Variants in EYS observed in about 807,000 individuals in gnomAD.
EYS encodes the protein EGF-like photoreceptor maintenance factor.
Under a neutral mutation model 282.1 loss-of-function variants are expected in EYS, and 250 were observed. That is an observed-to-expected ratio of 0.89 (90% CI 0.80 to 0.98). The LOEUF is 0.98. Among genes scored for constraint, EYS ranks in the 50% least tolerant of loss-of-function variants. The probability of loss-of-function intolerance (pLI) is 0.00; values close to 1 mark genes in which losing one functional copy is unlikely to be tolerated. For synonymous variants in EYS, 1,355 were observed against 1,282.9 expected (o/e 1.06, Z -1.20); for missense variants, 4,016 against 3,709.0 (o/e 1.08, Z -2.15).
chr6:64,906,373 T>C (rs747922900), intron 16 of EYS, among the ~76,000 whole-genome samples: 7 of 152,138 alleles, frequency 4.6e-5, no homozygotes, highest in Non-Finnish European at 1.0e-4. Flanking sequence ...TTTTCTAAAT[T>C]CAAATTTCTA....
At chr6:64,137,561 T>C (rs1324993943) in intron 31 of EYS, among the ~76,000 whole-genome samples, 1 of 152,104 alleles carries the variant, frequency 6.6e-6, no homozygotes, top group Non-Finnish European at 1.5e-5. Context: ...GTTATTATTT[T>C]GAATTGGCCT....
intron 12 of EYS, among the ~76,000 whole-genome samples, chr6:65,119,269 AC>A (rs1383072707): frequency 2.6e-5 from 4 of 152,284 alleles, no homozygotes; most frequent in Admixed American, 6.5e-5. Flanking sequence ...GCTTGGGAAT[AC>A]CATTATCTTA....
intron 35 of EYS, among the ~76,000 whole-genome samples, chr6:63,881,417 A>C (rs115202506): frequency 0.024 from 3,650 of 152,222 alleles, 149 homozygotes; most frequent in African/African-American, 0.084. Context: ...TGCCAGAGGG[A>C]ACTTTTATTT....
At chr6:64,393,965 A>C (rs1773260665) in intron 28 of EYS, among the ~76,000 whole-genome samples, 2 of 152,058 alleles carry the variant, frequency 1.3e-5, no homozygotes, top group Admixed American at 6.6e-5. Flanking sequence ...TACAAAAATC[A>C]CAAGCATTCT....
At chr6:63,981,375 TA>T (rs909144263) in intron 35 of EYS, among the ~76,000 whole-genome samples, 12 of 151,368 alleles carry the variant, frequency 7.9e-5, no homozygotes, top group South Asian at 2.1e-4. Flanking sequence ...TTTCAAGAAT[TA>T]AAAAAAAATT....
In EYS at chr6:64,674,163, A is replaced by G. The variant is rs185339160; in HGVS notation, c.3444-47918T>C. Among the ~76,000 whole-genome samples, 7 of 152,254 alleles carry G rather than the reference A, an allele frequency of 4.6e-5. No individual in the cohort carries two copies. The East Asian group carries it at 1.4e-3, about 29-fold the overall frequency. On this transcript the variant is annotated intron_variant, in intron 22 of 42. Coordinates refer to ENST00000503581, the MANE Select transcript of EYS (RefSeq NM_001142800.2). The stretch of plus-strand genomic sequence containing the variant: ...TTAAAATCTATTCTTTACTGAGAAT[A>G]GATCTTATCATAAATTTATCCATCT...
intron 31 of EYS, among the ~76,000 whole-genome samples, chr6:64,216,763 G>T (rs954382726): frequency 6.6e-6 from 1 of 152,162 alleles, no homozygotes; most frequent in Non-Finnish European, 1.5e-5. Flanking sequence ...CTGCTCCTTA[G>T]TCCGAAGAAG....
In EYS at chr6:64,069,444, A is replaced by G. The variant is rs1325051197; in HGVS notation, c.6572-2953T>C. 2.0e-5 allele frequency among the ~76,000 whole-genome samples: 3 copies of G among 152,120 alleles called. No homozygotes were observed. In the East Asian group the frequency reaches 5.8e-4, roughly 29 times the overall value. ...TTTATCAGTATATGTATGTATATAC[A>G]TATCAGTATATATACACATGTGATA... On this transcript the variant is annotated intron_variant, in intron 32 of 42. Transcript: ENST00000503581.
At chr6:64,116,480 G>A (rs1383995907) in intron 31 of EYS, among the ~76,000 whole-genome samples, 1 of 152,012 alleles carries the variant, frequency 6.6e-6, no homozygotes, top group Admixed American at 6.6e-5. Context: ...AGACAGAAAG[G>A]AACAAAGGGT....
rs547397408 is a variant in EYS, at chr6:64,863,750, G to A, written c.2992+22947C>T. ...CTCTAAACCTGCCATTTATCTCATA[G>A]TTTTCCAGGAATTTTCTGAAAACCC... On this transcript the variant is annotated intron_variant, in intron 19 of 42. Coordinates refer to ENST00000503581, the MANE Select transcript of EYS (RefSeq NM_001142800.2). 7.9e-5 allele frequency among the ~76,000 whole-genome samples: 12 copies of A among 152,198 alleles called. No homozygotes were observed. The South Asian group carries it at 2.5e-3, about 32-fold the overall frequency.
At chr6:64,605,822 T>A (rs1365045142) in intron 24 of EYS, among the ~76,000 whole-genome samples, 1 of 151,944 alleles carries the variant, frequency 6.6e-6, no homozygotes, top group Admixed American at 6.6e-5. Context: ...AGGATCCCAA[T>A]ACTCAACTGA....
intron 36 of EYS, among the ~76,000 whole-genome samples, chr6:63,815,831 A>G (rs765141067): frequency 2.0e-5 from 3 of 152,190 alleles, no homozygotes; most frequent in Non-Finnish European, 4.4e-5. Flanking sequence ...CAGGTCATTG[A>G]CAATAATTTT....
intron 26 of EYS, among the ~76,000 whole-genome samples, chr6:64,487,301 T>C (rs1347880390): frequency 6.6e-6 from 1 of 151,178 alleles, no homozygotes; most frequent in Admixed American, 6.6e-5. Flanking sequence ...AAACTGCTTA[T>C]ACATTATTCT....
chr6:64,797,974 T>C (rs1159981533), intron 22 of EYS, among the ~76,000 whole-genome samples: 1 of 151,924 alleles, frequency 6.6e-6, no homozygotes, highest in Non-Finnish European at 1.5e-5. Context: ...ATATATTACA[T>C]AAATTTTATG....
intron 1 of EYS, among the ~76,000 whole-genome samples, chr6:65,687,632 A>G (rs1282515105): frequency 5.9e-5 from 9 of 152,172 alleles, no homozygotes; most frequent in Non-Finnish European, 1.0e-4. Context: ...GGAAAAGAGG[A>G]AGTCAAATTG....
chr6:64,764,979 C>G (rs7753587), intron 22 of EYS, among the ~76,000 whole-genome samples: 104,838 of 152,106 alleles, frequency 0.69, 38,139 homozygotes, highest in Non-Finnish European at 0.81. Flanking sequence ...TCAGATGTAC[C>G]ACCTACCTTG....
intron 13 of EYS, among the ~76,000 whole-genome samples, chr6:65,018,694 T>G (rs1394836669): frequency 2.0e-5 from 3 of 152,118 alleles, no homozygotes; most frequent in African/African-American, 7.2e-5. Context: ...TTTTTTGGTT[T>G]GTTTGTTTGT....
chr6:64,141,377 G>T (rs964351645), intron 31 of EYS, among the ~76,000 whole-genome samples: 1 of 152,212 alleles, frequency 6.6e-6, no homozygotes, highest in South Asian at 2.1e-4. Flanking sequence ...TATGAAAAGA[G>T]AGAAATCACT....
intron 12 of EYS, among the ~76,000 whole-genome samples, chr6:65,264,107 T>A (rs1249879069): frequency 1.3e-5 from 2 of 151,524 alleles, no homozygotes. Context: ...GAATGTTCTA[T>A]TTAAAAAAAT....
Sources: gnomAD v4.1 joint callset for allele counts (sites outside exome capture counted in the v4.1 genomes callset) on GRCh38, gnomAD v4.1.1 for gene constraint, MANE v1.5 for transcripts, NCBI Gene and HGNC (gene_info 2026-07-23, HGNC 2026-07-21) for gene names.